ZNF681: variants seen among roughly 807,000 people sequenced by gnomAD.
ZNF681 encodes zinc finger protein 681.
In ZNF681, 37 loss-of-function variants were observed where a neutral mutation model predicts 56.0. The ratio of observed to expected loss-of-function variants is 0.66; its 90% CI spans 0.51 to 0.87. The LOEUF (loss-of-function observed/expected upper bound fraction) is 0.87, where lower values mean the gene tolerates loss of function less well. Ranked by LOEUF, ZNF681 falls within the 40% of genes least tolerant of loss-of-function variation. ZNF681 has a pLI of 0.00. For missense variants in ZNF681, 741 were observed against 744.9 expected (o/e 0.99, Z 0.06); for synonymous variants, 225 against 248.6 (o/e 0.91, Z 0.89).
chr19:23,755,488 T>C lies in ZNF681; in HGVS notation c.67A>G (p.Thr23Ala). Reference protein sequence around the residue: ...FSLEEWQCLDTIQQNLYRNVM... With the variant: ...FSLEEWQCLDAIQQNLYRNVM... ...TTCCTATATAAATTCTGCTGTATAG[T>C]GTCCAGGCATTGCCACTCCTCCAGA... is the stretch of plus-strand genomic sequence containing the variant. The change falls in exon 2 of 4, where the codon ACT becomes GCT. Residue 23 changes from threonine to alanine, a missense_variant. Physicochemically the swap from Thr to Ala is moderately conservative, Grantham distance 58. Transcript: ENST00000402377. 1 of 1,611,378 alleles carries C rather than the reference T, an allele frequency of 6.2e-7. No homozygotes were observed. The highest frequency in any genetic ancestry group is 1.1e-5 in the South Asian group (1 of 90,944).
In ZNF681 at chr19:23,741,727, C is replaced by T. The variant is rs561509997; in HGVS notation, c.*1885G>A. On this transcript the variant is annotated 3_prime_UTR_variant, in exon 4 of 4. Coordinates refer to ENST00000402377, the MANE Select transcript of ZNF681 (RefSeq NM_138286.3). ...AGTGAGACTCGTCTCAAAAAAAAAC[C>T]GAAAAGTGCAGAATTAGTTTATAAT... 15 of 151,842 alleles carry T rather than the reference C, an allele frequency of 9.9e-5. No homozygotes were observed. Among genetic ancestry groups the T allele is most frequent in the East Asian group, 3.9e-4 (2 of 5,158 alleles). The allele number at this position is 151,842 out of a possible 1,614,324, so 9.4% of individuals were successfully genotyped here.
intron 3 of ZNF681, among the ~76,000 whole-genome samples, chr19:23,752,128 G>C (rs1969041708): frequency 6.6e-6 from 1 of 152,156 alleles, no homozygotes; most frequent in South Asian, 2.1e-4. Flanking sequence ...CCAATTCTGA[G>C]GAGTGCTATT....
Position 23,743,328 on chromosome 19 carries a change from A to C in ZNF681, c.*284T>G, listed in dbSNP as rs753440933. 2 of 220,930 alleles carry C rather than the reference A, an allele frequency of 9.1e-6. No individual in the cohort carries two copies. Among genetic ancestry groups the C allele is most frequent in the Non-Finnish European group, 1.8e-5 (2 of 113,646 alleles). The allele number at this position is 220,930 out of a possible 1,614,324, so 13.7% of individuals were successfully genotyped here. On this transcript the variant is annotated 3_prime_UTR_variant, in exon 4 of 4. Coordinates refer to ENST00000402377, the MANE Select transcript of ZNF681 (RefSeq NM_138286.3). ...TGAATACTCTTCACTTTAGAGGCTT[A>C]TATTTTCTGAAAGATTTTTGACAGT...
intron 3 of ZNF681, among the ~76,000 whole-genome samples, chr19:23,753,844 G>T (rs958341723): frequency 7.9e-6 from 1 of 126,848 alleles, no homozygotes; most frequent in East Asian, 2.4e-4. Flanking sequence ...CCTGGAGAAA[G>T]AGCGAGACTT....
intron 3 of ZNF681, among the ~76,000 whole-genome samples, chr19:23,753,680 G>GCC (rs1969069766): frequency 2.1e-5 from 3 of 139,832 alleles, no homozygotes; most frequent in African/African-American, 5.3e-5. Flanking sequence ...GGCCAACATG[G>GCC]TGAAACTCTG....
chr19:23,739,435 T>C lies in ZNF681; in HGVS notation c.*4177A>G, dbSNP rs952055400. 3 of 152,198 alleles carry C rather than the reference T, an allele frequency of 2.0e-5. No homozygotes were observed. The highest frequency in any genetic ancestry group is 7.2e-5 in the African/African-American group (3 of 41,436). 9.4% of individuals were successfully genotyped at this position (152,198 alleles called of 1,614,324 possible). A position where few individuals can be genotyped will look rare whatever the true frequency, so the allele number is the denominator to read the frequency against. On this transcript the variant is annotated 3_prime_UTR_variant, in exon 4 of 4. Coordinates refer to ENST00000402377, the MANE Select transcript of ZNF681 (RefSeq NM_138286.3). ...TGTACTGCATGGTGCCTATAGTTCA[T>C]AACAATGTATTTGTATTTCTGAAAA...
rs556718491 is a variant in ZNF681 at position 23,742,318 on chromosome 19, C to G, written c.*1294G>C. ...ACCAGCCTGACCAACATAGAGAAAC[C>G]CCATCTCTATTAAAAATACAAAATT... On this transcript the variant is annotated 3_prime_UTR_variant, in exon 4 of 4. Transcript: ENST00000402377. The G allele has an allele frequency of 1.3e-5, 2 of 151,976 alleles. No individual in the cohort carries two copies. The highest frequency in any genetic ancestry group is 1.5e-5 in the Non-Finnish European group (1 of 68,010). The allele number at this position is 151,976 out of a possible 1,614,324, so 9.4% of individuals were successfully genotyped here. A position where few individuals can be genotyped will look rare whatever the true frequency, so the allele number is the denominator to read the frequency against.
Position 23,744,304 on chromosome 19 carries a change from GA to G in ZNF681, c.1245del (p.His416IlefsTer139). On this transcript the variant is annotated frameshift_variant, in exon 4 of 4. Transcript: ENST00000402377. LOFTEE classifies it high-confidence loss of function. ...KSSHLTRHKS[I>X]HTGEKPYQCE... Reference sequence around the variant, plus strand: ...CACTGGTAGGGTTTTTCTCCAGTATGAATGCTCTTATGTCTAGTAAGGTGTG... The same window carrying G: ...CACTGGTAGGGTTTTTCTCCAGTATGATGCTCTTATGTCTAGTAAGGTGTG... 1 of 1,613,706 alleles carries G rather than the reference GA, an allele frequency of 6.2e-7. No individual in the cohort carries two copies. The highest frequency in any genetic ancestry group is 8.5e-7 in the Non-Finnish European group (1 of 1,179,890).
intron 3 of ZNF681, among the ~76,000 whole-genome samples, chr19:23,747,997 A>G (rs1212375250): frequency 6.6e-6 from 1 of 152,158 alleles, no homozygotes; most frequent in Non-Finnish European, 1.5e-5. Flanking sequence ...TGAATCATAT[A>G]CAAAAAATAT....
In ZNF681 at chr19:23,755,558, AACACACACACACAC is replaced by A. The variant is rs763001279; in HGVS notation, c.4-21_4-8del. On this transcript the variant is annotated splice_polypyrimidine_tract_variant and splice_region_variant and intron_variant, in intron 1 of 3. Transcript: ENST00000402377. ...CCCTAAATTTCAATGGTTCCTGAAA[AACACACACACACAC>A]ACACACACACACACACACACACACA... 12 of 1,276,318 alleles carry A rather than the reference AACACACACACACAC, an allele frequency of 9.4e-6. No individual in the cohort carries two copies. The highest frequency in any genetic ancestry group is 5.2e-5 in the African/African-American group (3 of 57,282). 79.1% of individuals were successfully genotyped at this position (1,276,318 alleles called of 1,614,324 possible).
Position 23,758,452 on chromosome 19 carries a change from G to A in ZNF681, c.3+295C>T, listed in dbSNP as rs185825754. On this transcript the variant is annotated intron_variant, in intron 1 of 3. Transcript: ENST00000402377. ...CATTCATGAACCCGGCACCCGTCAG[G>A]ATTCGCCCCTGACGACCCTCCCGTG... 4.0e-3 allele frequency among the ~76,000 whole-genome samples: 612 copies of A among 152,300 alleles called. 3 individuals are homozygous for A. Among genetic ancestry groups the A allele is most frequent in the African/African-American group, 0.014 (573 of 41,578 alleles).
Position 23,744,369 on chromosome 19 carries a change from T to C in ZNF681, c.1181A>G (p.Tyr394Cys), listed in dbSNP as rs768317869. The C allele has an allele frequency of 2.5e-6, 4 of 1,613,946 alleles. No individual in the cohort carries two copies. The South Asian group carries it at 4.4e-5, about 18-fold the overall frequency. ...HKIIHTGEKPYKCEECGKAFN... is the reference protein window; with the variant it reads ...HKIIHTGEKPCKCEECGKAFN... ...AGCTTTGCCACATTCTTCACATTTG[T>C]AGGGTTTCTCTCCAGTATGAATTAT... The change falls in exon 4 of 4, where the codon TAC becomes TGC. Residue 394 changes from tyrosine to cysteine, a missense_variant. Transcript: ENST00000402377.
chr19:23,753,860 C>CA (rs34755450), intron 3 of ZNF681, among the ~76,000 whole-genome samples: 7,244 of 123,810 alleles, frequency 0.059, 431 homozygotes, highest in South Asian at 0.17. Flanking sequence ...GACTTTGTCT[C>CA]AAAAAAAAAA....
Position 23,756,327 on chromosome 19 carries a change from C to CCA in ZNF681, c.4-777_4-776insTG, listed in dbSNP as rs1007952731. 3.3e-5 allele frequency among the ~76,000 whole-genome samples: 5 copies of CCA among 150,264 alleles called. No individual in the cohort carries two copies. In the South Asian group the frequency reaches 1.1e-3, roughly 32 times the overall value. On this transcript the variant is annotated intron_variant, in intron 1 of 3. Coordinates refer to ENST00000402377, the MANE Select transcript of ZNF681 (RefSeq NM_138286.3). Reference sequence around the variant, plus strand: ...GCGACAGAGCGACACTCTGTCCCCCCCCAAAAAAAGACACATATGTTATTG... The same window carrying CCA: ...GCGACAGAGCGACACTCTGTCCCCCCCACCAAAAAAAGACACATATGTTATTG...
intron 1 of ZNF681, among the ~76,000 whole-genome samples, chr19:23,757,093 T>G (rs549895342): frequency 6.6e-6 from 1 of 152,078 alleles, no homozygotes; most frequent in South Asian, 2.1e-4. Flanking sequence ...CTGGTCTCTT[T>G]GCCAGGCTGG....
chr19:23,752,196 T>G (rs11881481), intron 3 of ZNF681, among the ~76,000 whole-genome samples: 1 of 151,938 alleles, frequency 6.6e-6, no homozygotes, highest in Admixed American at 6.6e-5. Context: ...GACCAGGAAA[T>G]GGACTACCCA....
Position 23,744,652 on chromosome 19 carries a change from G to A in ZNF681, c.898C>T (p.His300Tyr), listed in dbSNP as rs1468668035. 6.3e-7 allele frequency: 1 copy of A among 1,596,456 alleles called. No homozygotes were observed. The highest frequency in any genetic ancestry group is 1.3e-5 in the African/African-American group (1 of 74,274). Residue 300 changes from histidine to tyrosine, a missense_variant, in exon 4 of 4, where the codon CAT (histidine) becomes TAT (tyrosine). By Grantham distance (83) the His-to-Tyr change is moderately conservative. Coordinates refer to ENST00000402377, the MANE Select transcript of ZNF681 (RefSeq NM_138286.3). ...TTCTCTCTGGTATGAATTATCTTAT[G>A]TGTAGTAAGGGTTAAGGACTGATTA... is the stretch of plus-strand genomic sequence containing the variant. ...AFNQSLTLTT[H>Y]KIIHTREKLN... is the part of the protein sequence containing the mutation.
chr19:23,745,442 G>T (rs878959688), intron 3 of ZNF681, 119 bp from the exon 4 acceptor site: 1 of 786,702 alleles, frequency 1.3e-6, no homozygotes, highest in Non-Finnish European at 1.8e-6. Context: ...AAATACCAAA[G>T]GCCCTAATTT....
chr19:23,755,940 A>T (rs1969110684), intron 1 of ZNF681, among the ~76,000 whole-genome samples: 1 of 152,172 alleles, frequency 6.6e-6, no homozygotes, highest in African/African-American at 2.4e-5. Context: ...CAGTGTGGTG[A>T]TTCCTCAAGG....
Sources: allele counts gnomAD v4.1 joint callset (sites outside exome capture counted in the v4.1 genomes callset), GRCh38; gene constraint gnomAD v4.1.1; transcripts MANE v1.5; gene names NCBI Gene and HGNC (gene_info 2026-07-23, HGNC 2026-07-21).